The following RAB6A variants were observed in gnomAD, a reference collection of about 807,000 sequenced individuals.
RAB6A encodes RAB6A, member RAS oncogene family, also known as ras-related protein Rab-6A.
RAB6A carries 8 observed loss-of-function variants against 32.3 expected under a neutral mutation model. The observed-to-expected ratio is 0.25, with a 90% CI of 0.15 to 0.45. RAB6A has a LOEUF of 0.45. Among genes scored for constraint, RAB6A ranks in the 20% least tolerant of loss-of-function variants. RAB6A has a pLI of 1.00. For missense variants in RAB6A, 104 were observed against 249.4 expected, an observed-to-expected ratio of 0.42 and a Z score of 3.93; for synonymous variants, 73 against 82.1, an observed-to-expected ratio of 0.89 and a Z score of 0.60.
intron 1 of RAB6A, among the ~76,000 whole-genome samples, chr11:73,739,304 T>TATATATAAAA (rs375733945): frequency 6.3e-5 from 2 of 31,860 alleles, no homozygotes; most frequent in African/African-American, 8.0e-5. Flanking sequence ...TATATATATA[T>TATATATAAAA]AAATACTGGA....
chr11:73,686,727 T>C (rs1945462709), intron 6 of RAB6A, among the ~76,000 whole-genome samples: 1 of 152,194 alleles, frequency 6.6e-6, no homozygotes, highest in African/African-American at 2.4e-5. Flanking sequence ...ATAGGTTCTC[T>C]TTAGTGAAAA....
chr11:73,757,045 T>C, intron 1 of RAB6A, among the ~76,000 whole-genome samples: 1 of 145,984 alleles, frequency 6.9e-6, no homozygotes, highest in Non-Finnish European at 1.5e-5. Flanking sequence ...ATCTGCTTCA[T>C]GTACTGACAC....
At chr11:73,730,533 T>C (rs543641038) in intron 2 of RAB6A, 1 of 430,704 alleles carries the variant, frequency 2.3e-6, no homozygotes, top group Non-Finnish European at 4.1e-6. Flanking sequence ...CCATCCTAGA[T>C]GATATTGGAG....
At chr11:73,710,782 G>C (rs184452811) in intron 5 of RAB6A, among the ~76,000 whole-genome samples, 20 of 148,924 alleles carry the variant, frequency 1.3e-4, no homozygotes, top group Admixed American at 3.4e-4. Context: ...ACAAGGTCTT[G>C]CTCTGTTGCA....
At chr11:73,715,254 G>C (rs1181523635) in intron 5 of RAB6A, among the ~76,000 whole-genome samples, 1 of 152,094 alleles carries the variant, frequency 6.6e-6, no homozygotes, top group African/African-American at 2.4e-5. Flanking sequence ...AGCCTCCCGA[G>C]TAGCTGGGAT....
rs527361465 is a variant in RAB6A at position 73,738,952 on chromosome 11, A to AAAACT, written c.71-8134_71-8130dup. ...GAGTGAGACTCCTGTCTCAAAAAAC[A>AAAACT]AAACTAAACTAAACTAAACTAAACT... On this transcript the variant is annotated intron_variant, in intron 1 of 7. Coordinates refer to ENST00000336083, the MANE Select transcript of RAB6A (RefSeq NM_198896.2). Among the ~76,000 whole-genome samples, 810 of 151,524 alleles carry AAAACT rather than the reference A, an allele frequency of 5.3e-3. 9 individuals are homozygous for AAAACT. Among genetic ancestry groups the AAAACT allele is most frequent in the African/African-American group, 0.018 (735 of 41,252 alleles).
chr11:73,710,457 G>A (rs1043559571), intron 5 of RAB6A, among the ~76,000 whole-genome samples: 1 of 151,660 alleles, frequency 6.6e-6, no homozygotes, highest in African/African-American at 2.4e-5. Flanking sequence ...TTAAGATCTA[G>A]CCGGGTGTGG....
intron 5 of RAB6A, among the ~76,000 whole-genome samples, chr11:73,713,100 T>C (rs1423852551): frequency 6.6e-6 from 1 of 152,208 alleles, no homozygotes; most frequent in African/African-American, 2.4e-5. Context: ...TATTCTGTCT[T>C]GAACCTACTG....
intron 6 of RAB6A, among the ~76,000 whole-genome samples, chr11:73,685,419 G>C (rs185680857): frequency 1.9e-4 from 28 of 149,956 alleles, no homozygotes; most frequent in African/African-American, 6.4e-4. Context: ...CTCCCGAGTA[G>C]CTGGGACTAC....
chr11:73,738,503 T>C (rs1946436862), intron 1 of RAB6A, among the ~76,000 whole-genome samples: 1 of 151,948 alleles, frequency 6.6e-6, no homozygotes, highest in Admixed American at 6.6e-5. Flanking sequence ...AAAAAGAAAT[T>C]TAGCCAAGCA....
At chr11:73,753,263 C>T (rs1420505788) in intron 1 of RAB6A, among the ~76,000 whole-genome samples, 4 of 152,184 alleles carry the variant, frequency 2.6e-5, no homozygotes, top group African/African-American at 9.6e-5. Context: ...ACCTGGCCAA[C>T]ATGGCCACTC....
intron 6 of RAB6A, among the ~76,000 whole-genome samples, chr11:73,686,082 A>C (rs1179351585): frequency 6.6e-6 from 1 of 152,020 alleles, no homozygotes. Flanking sequence ...ACTATAAAAA[A>C]CTGGTGGGAA....
At chr11:73,725,128 T>C (rs1162469159) in intron 2 of RAB6A, among the ~76,000 whole-genome samples, 1 of 152,220 alleles carries the variant, frequency 6.6e-6, no homozygotes, top group Non-Finnish European at 1.5e-5. Flanking sequence ...GATGATGTGG[T>C]AAGAAAAATA....
intron 1 of RAB6A, among the ~76,000 whole-genome samples, chr11:73,732,511 G>A (rs945903961): frequency 1.3e-4 from 20 of 152,180 alleles, no homozygotes; most frequent in African/African-American, 4.1e-4. Context: ...GCGTGAACCC[G>A]GGAGGCAGAG....
chr11:73,739,263 T>TAAAAAAAAAAAA (rs58629008), intron 1 of RAB6A, among the ~76,000 whole-genome samples: 1 of 9,384 alleles, frequency 1.1e-4, no homozygotes, highest in African/African-American at 3.6e-4. Flanking sequence ...TAATAATAAT[T>TAAAAAAAAAAAA]AAAAAAAAAA....
intron 6 of RAB6A, among the ~76,000 whole-genome samples, chr11:73,689,695 A>G (rs1169467159): frequency 6.6e-6 from 1 of 152,040 alleles, no homozygotes; most frequent in Admixed American, 6.6e-5. Flanking sequence ...GGGTTGTCCT[A>G]CCTTTCCAGA....
chr11:73,724,974 GAAT>G (rs1197125817), intron 2 of RAB6A, among the ~76,000 whole-genome samples: 1 of 152,158 alleles, frequency 6.6e-6, no homozygotes, highest in African/African-American at 2.4e-5. Context: ...AGGAAATAAA[GAAT>G]AATGAAGATG....
intron 1 of RAB6A, among the ~76,000 whole-genome samples, chr11:73,734,408 C>T (rs1946362709): frequency 6.6e-6 from 1 of 152,032 alleles, no homozygotes; most frequent in Non-Finnish European, 1.5e-5. Context: ...TTACAGGCTT[C>T]AGCCACCGCA....
chr11:73,708,607 T>C (rs993077584), intron 5 of RAB6A, among the ~76,000 whole-genome samples: 4 of 152,220 alleles, frequency 2.6e-5, no homozygotes, highest in Non-Finnish European at 5.9e-5. Flanking sequence ...ATGTCTCAAA[T>C]TGTGAGATCT....
Sources: gnomAD v4.1 joint callset for allele counts (sites outside exome capture counted in the v4.1 genomes callset) on GRCh38, gnomAD v4.1.1 for gene constraint, MANE v1.5 for transcripts, NCBI Gene and HGNC (gene_info 2026-07-23, HGNC 2026-07-21) for gene names.